The following MTSS2 variants were observed in gnomAD, a reference collection of about 807,000 sequenced individuals.
The protein encoded by MTSS2 is MTSS I-BAR domain containing 2, also known as protein MTSS 2.
In MTSS2, 27 loss-of-function variants were observed where a neutral mutation model predicts 67.1. The ratio of observed to expected loss-of-function variants is 0.40; its 90% CI spans 0.30 to 0.55. The LOEUF (loss-of-function observed/expected upper bound fraction) is 0.55, where lower values mean the gene tolerates loss of function less well. Among genes scored for constraint, MTSS2 ranks in the 20% least tolerant of loss-of-function variants. The pLI is 0.43. For missense variants in MTSS2, 1,171 were observed against 1,067.8 expected (o/e 1.10, Z -1.35); for synonymous variants, 624 against 468.6 (o/e 1.33, Z -4.28).
In MTSS2 at chr16:70,664,602, G is replaced by T; in HGVS notation, c.1467C>A (p.Ser489=). The T allele has an allele frequency of 6.2e-7, 1 of 1,612,242 alleles. No individual in the cohort carries two copies. Among genetic ancestry groups the T allele is most frequent in the Non-Finnish European group, 8.5e-7 (1 of 1,179,364 alleles). Residue 489 remains serine (S), a synonymous_variant, in exon 14 of 15, where the codon TCC becomes TCA. Coordinates refer to ENST00000338779, the MANE Select transcript of MTSS2 (RefSeq NM_138383.3). The part of the protein sequence containing the change: ...TPSCSEDTIP[S]QGSDYDCYSV... ...ACCCCAGCCCCGCGGGCCTGCCTTG[G>T]GAGGGGATGGTGTCCTCAGAGCAGG...
chr16:70,675,127 CAAG>C (rs1407851169), intron 10 of MTSS2, among the ~76,000 whole-genome samples: 1 of 144,688 alleles, frequency 6.9e-6, no homozygotes, highest in African/African-American at 2.6e-5. Context: ...AAAAAAGAAA[CAAG>C]AAACAGTTGT....
intron 1 of MTSS2, among the ~76,000 whole-genome samples, chr16:70,683,370 G>A (rs1165619463): frequency 6.6e-6 from 1 of 152,238 alleles, no homozygotes; most frequent in Non-Finnish European, 1.5e-5. Flanking sequence ...CCAGCACGCA[G>A]TAAGTGCTCA....
rs374842861 is a variant in MTSS2 at position 70,674,533 on chromosome 16, G to A, written c.831-5C>T. The A allele has an allele frequency of 6.8e-6, 11 of 1,611,662 alleles. No homozygotes were observed. The highest frequency in any genetic ancestry group is 9.3e-6 in the Non-Finnish European group (11 of 1,179,630). Reference sequence around the variant, plus strand: ...CTGCTACTGCTGCTGGGGGCACTAGGGGAGTGAAGGAAGAGGGCACAGCAG... The same window carrying A: ...CTGCTACTGCTGCTGGGGGCACTAGAGGAGTGAAGGAAGAGGGCACAGCAG... On this transcript the variant is annotated splice_region_variant and splice_polypyrimidine_tract_variant and intron_variant, in intron 10 of 14. Coordinates refer to ENST00000338779, the MANE Select transcript of MTSS2 (RefSeq NM_138383.3).
chr16:70,674,747 G>A (rs994914598), intron 10 of MTSS2, among the ~76,000 whole-genome samples: 1 of 152,232 alleles, frequency 6.6e-6, no homozygotes, highest in Non-Finnish European at 1.5e-5. Flanking sequence ...CCCAGCCCCA[G>A]TGCTGAGGGG....
At position 70,661,632 on chromosome 16, in the gene MTSS2, C is replaced by G. The variant is rs1251714559; in HGVS notation, c.*2045G>C. On this transcript the variant is annotated 3_prime_UTR_variant, in exon 15 of 15. Transcript: ENST00000338779. ...CTATGAGGTGGTTGCTAAGTCGACG[C>G]AAGGGCGGCGGGGGTGGTCTCAGGG... 1 of 335,710 alleles carries G rather than the reference C, an allele frequency of 3.0e-6. No individual in the cohort carries two copies. The highest frequency in any genetic ancestry group is 8.6e-5 in the East Asian group (1 of 11,606). 20.8% of individuals were successfully genotyped at this position (335,710 alleles called of 1,614,324 possible).
intron 1 of MTSS2, among the ~76,000 whole-genome samples, chr16:70,681,958 C>T (rs370094737): frequency 1.3e-5 from 2 of 152,208 alleles, no homozygotes; most frequent in South Asian, 2.1e-4. Context: ...TCTGACCCTC[C>T]CTTCCATGTA....
At chr16:70,683,327 C>T (rs988429475) in intron 1 of MTSS2, among the ~76,000 whole-genome samples, 2 of 152,232 alleles carry the variant, frequency 1.3e-5, no homozygotes, top group African/African-American at 2.4e-5. Context: ...GAAATTGAAG[C>T]AGGTGCTGCT....
rs752187368 is a variant in MTSS2, at chr16:70,664,802, C to A, written c.1306-39G>T. ...AGTGCAGGCTGAAGCCTTGCGCCCC[C>A]AATCCCCTCTGCCCAAATTCCAGGC... On this transcript the variant is annotated intron_variant, in intron 13 of 14. Transcript: ENST00000338779. The A allele has an allele frequency of 1.0e-5, 16 of 1,565,168 alleles. No homozygotes were observed. The African/African-American group carries it at 1.8e-4, about 17-fold the overall frequency.
chr16:70,664,286 C>CGCGGTGGGCAGCCCA lies in MTSS2; in HGVS notation c.1620_1634dup (p.Gly546_Ala550dup). 1 of 1,562,346 alleles carries CGCGGTGGGCAGCCCA rather than the reference C, an allele frequency of 6.4e-7. No individual in the cohort carries two copies. The highest frequency in any genetic ancestry group is 8.6e-7 in the Non-Finnish European group (1 of 1,161,202). The stretch of plus-strand genomic sequence containing the variant: ...GCAGGCCAGTGGCCGTGGGCAGCCC[C>CGCGGTGGGCAGCCCA]GCGGTGGGCAGCCCAGCAGTGGAGG... On this transcript the variant is annotated inframe_insertion, in exon 15 of 15. Transcript: ENST00000338779.
chr16:70,665,762 A>G, intron 11 of MTSS2: 1 of 481,070 alleles, frequency 2.1e-6, no homozygotes, highest in South Asian at 3.0e-5. Flanking sequence ...GACCCACCTG[A>G]CAGCCCAGCC....
chr16:70,676,167 C>T (rs2053109963), intron 10 of MTSS2, among the ~76,000 whole-genome samples: 2 of 152,258 alleles, frequency 1.3e-5, no homozygotes, highest in Non-Finnish European at 2.9e-5. Context: ...TCACTCTGTG[C>T]TTACTGTCCT....
At chr16:70,665,186 C>T (rs766540836) in intron 12 of MTSS2, 90 bp from the exon 13 acceptor site, 55 of 1,416,260 alleles carry the variant, frequency 3.9e-5, no homozygotes, top group Non-Finnish European at 5.1e-5. Flanking sequence ...CTCAGGGTGT[C>T]CAGGGCTATC....
At position 70,679,834 on chromosome 16, in the gene MTSS2, C is replaced by G. The variant is rs369575875; in HGVS notation, c.334G>C (p.Glu112Gln). 4.4e-6 allele frequency: 7 copies of G among 1,607,056 alleles called. No homozygotes were observed. The highest frequency in any genetic ancestry group is 1.7e-5 in the Admixed American group (1 of 59,982). Residue 112 changes from glutamate to glutamine, a missense_variant, in exon 5 of 15, where the codon GAG becomes CAG. Glu to Gln is a conservative substitution (Grantham distance 29). Coordinates refer to ENST00000338779, the MANE Select transcript of MTSS2 (RefSeq NM_138383.3). The part of the protein sequence containing the change: ...SLINPLQERI[E>Q]DWKKAANQLD... ...TGGTTGGCCGCCTTCTTCCAGTCCT[C>G]GATGCGCTCCTGCAGCGGGTTGATG...
rs1555507446 is a variant in MTSS2, at chr16:70,662,239, T to TAGGACCCTG, written c.*1429_*1437dup. On this transcript the variant is annotated 3_prime_UTR_variant, in exon 15 of 15. Coordinates refer to ENST00000338779, the MANE Select transcript of MTSS2 (RefSeq NM_138383.3). ...GACCAAGGTGCTCCTGACCCCCAGG[T>TAGGACCCTG]AGGACCCTGCCCTGGGGCCACGATG... The TAGGACCCTG allele has an allele frequency of 6.6e-6, 1 of 152,286 alleles. No homozygotes were observed. The highest frequency in any genetic ancestry group is 1.5e-5 in the Non-Finnish European group (1 of 68,160). 9.4% of individuals were successfully genotyped at this position (152,286 alleles called of 1,614,324 possible). A position where few individuals can be genotyped will look rare whatever the true frequency, so the allele number is the denominator to read the frequency against.
chr16:70,677,703 T>A, intron 9 of MTSS2, 89 bp downstream of exon 9: 1 of 1,025,070 alleles, frequency 9.8e-7, no homozygotes, highest in Admixed American at 2.3e-5. Flanking sequence ...CCAAATGCCA[T>A]CCTCTTTTCC....
At position 70,679,057 on chromosome 16, in the gene MTSS2, G is replaced by A. The variant is rs1364281123; in HGVS notation, c.466+258C>T. The stretch of plus-strand genomic sequence containing the variant: ...GCCTGGTGGGGGCGGGGCAGCCAGG[G>A]CCTGTGGCCCCCATCCCGCCCTGGC... On this transcript the variant is annotated intron_variant, in intron 7 of 14. Coordinates refer to ENST00000338779, the MANE Select transcript of MTSS2 (RefSeq NM_138383.3). Among the ~76,000 whole-genome samples the A allele has an allele frequency of 2.0e-5, 3 of 152,180 alleles. No homozygotes were observed. The East Asian group carries it at 5.8e-4, about 29-fold the overall frequency.
In MTSS2 at chr16:70,661,991, C is replaced by T. The variant is rs2052494276; in HGVS notation, c.*1686G>A. On this transcript the variant is annotated 3_prime_UTR_variant, in exon 15 of 15. Coordinates refer to ENST00000338779, the MANE Select transcript of MTSS2 (RefSeq NM_138383.3). ...GGGGCTCTGGTGTTGGCCTGAGCTC[C>T]ACGGGCTGAGTGCTCGGCCAGGCAG... 6.5e-6 allele frequency: 1 copy of T among 152,906 alleles called. No homozygotes were observed. The highest frequency in any genetic ancestry group is 6.5e-5 in the Admixed American group (1 of 15,366). 9.5% of individuals were successfully genotyped at this position (152,906 alleles called of 1,614,324 possible). A position where few individuals can be genotyped will look rare whatever the true frequency, so the allele number is the denominator to read the frequency against.
intron 8 of MTSS2, 68 bp from the exon 9 acceptor site, chr16:70,677,967 A>T (rs2053175169): frequency 6.1e-6 from 8 of 1,310,234 alleles, no homozygotes; most frequent in Non-Finnish European, 8.5e-6. Context: ...GCGCCCCTGG[A>T]GAAGCAGCAG....
intron 1 of MTSS2, among the ~76,000 whole-genome samples, chr16:70,683,837 C>T (rs1404018702): frequency 6.6e-6 from 1 of 152,214 alleles, no homozygotes; most frequent in Non-Finnish European, 1.5e-5. Flanking sequence ...GCTGCCCCCG[C>T]AAATCCAGGT....
Sources: gnomAD v4.1 joint callset for allele counts (sites outside exome capture counted in the v4.1 genomes callset) on GRCh38, gnomAD v4.1.1 for gene constraint, MANE v1.5 for transcripts, NCBI Gene and HGNC (gene_info 2026-07-23, HGNC 2026-07-21) for gene names.